Variants in LITAF observed in about 807,000 individuals in gnomAD.
LITAF encodes lipopolysaccharide induced TNF factor.
In LITAF, 9 loss-of-function variants were observed where a neutral mutation model predicts 14.5. That is an observed-to-expected ratio of 0.62 (90% CI 0.37 to 1.08). The LOEUF (loss-of-function observed/expected upper bound fraction) is 1.08, where lower values mean the gene tolerates loss of function less well. Ranked by LOEUF, LITAF falls within the 50% of genes least tolerant of loss-of-function variation. The pLI, the probability that LITAF is intolerant of heterozygous loss-of-function variation, is 0.01. For missense variants in LITAF, 206 were observed against 213.4 expected (o/e 0.97, Z 0.22); for synonymous variants, 98 against 88.2 (o/e 1.11, Z -0.62).
chr16:11,603,602 AG>A (rs2064939657), intron 3 of LITAF, among the ~76,000 whole-genome samples: 1 of 152,232 alleles, frequency 6.6e-6, no homozygotes, highest in African/African-American at 2.4e-5. Flanking sequence ...AAGGTTTCCT[AG>A]CAGACAGAGC....
chr16:11,557,437 T>A (rs1275249328), intron 1 of LITAF, among the ~76,000 whole-genome samples: 1 of 152,012 alleles, frequency 6.6e-6, no homozygotes, highest in Non-Finnish European at 1.5e-5. Flanking sequence ...TTTGTATGTG[T>A]GTTATAGTTT....
chr16:11,634,837 C>A lies in LITAF; in HGVS notation c.-21+988G>T, dbSNP rs2065131767. On this transcript the variant is annotated intron_variant, in intron 2 of 3. Coordinates refer to the LITAF transcript ENST00000574848. This position sits in a 1 kb window ranked among gnomAD's most constrained non-coding sequence, Gnocchi z 4.1. The stretch of plus-strand genomic sequence containing the variant: ...TCACTTGAGGTGAGGAGTTCAGGAC[C>A]AGCCTGGCTAACCTGGTGAAACCCC... Among the ~76,000 whole-genome samples the A allele has an allele frequency of 1.3e-5, 2 of 152,224 alleles. No individual in the cohort carries two copies. Among genetic ancestry groups the A allele is most frequent in the South Asian group, 4.1e-4 (2 of 4,828 alleles).
intron 1 of LITAF, among the ~76,000 whole-genome samples, chr16:11,566,984 T>A (rs2064460752): frequency 6.6e-6 from 1 of 152,184 alleles, no homozygotes; most frequent in Admixed American, 6.5e-5. Flanking sequence ...TGCCAGCACA[T>A]CACCAAATAT....
chr16:11,635,936 G>T (rs1199220027), exon 2 of LITAF: 1 of 152,322 alleles, frequency 6.6e-6, no homozygotes, highest in African/African-American at 2.4e-5. Context: ...GTATTTACAG[G>T]AGATGTGGCT....
upstream of LITAF, among the ~76,000 whole-genome samples, chr16:11,589,446 GC>G (rs1207645300): frequency 1.3e-5 from 2 of 152,040 alleles, no homozygotes; most frequent in African/African-American, 2.4e-5. Flanking sequence ...TTGCCATTAG[GC>G]AAGAAAAATA....
chr16:11,603,513 C>T (rs949506839), intron 3 of LITAF, among the ~76,000 whole-genome samples: 7 of 152,336 alleles, frequency 4.6e-5, no homozygotes, highest in Admixed American at 2.6e-4. Context: ...TGTCGGTCTT[C>T]ATTTTCCAAA....
Position 11,607,779 on chromosome 16 carries a change from G to A in LITAF, c.85+25754C>T, listed in dbSNP as rs114895212. ...CAACCTTGGCACTATTAGTATTTGGGGCCAGGTCATTCATTGTTATGGGCG... is the reference window on the plus strand; with the variant it reads ...CAACCTTGGCACTATTAGTATTTGGAGCCAGGTCATTCATTGTTATGGGCG... On this transcript the variant is annotated intron_variant, in intron 3 of 3. Coordinates refer to the LITAF transcript ENST00000574848. Among the ~76,000 whole-genome samples the A allele has an allele frequency of 3.7e-3, 561 of 152,194 alleles. 2 individuals are homozygous for A. Among genetic ancestry groups the A allele is most frequent in the African/African-American group, 0.013 (537 of 41,512 alleles).
At position 11,548,005 on chromosome 16, in the gene LITAF, G is replaced by C. The variant is rs74808365; in HGVS notation, c.*1632C>G. The C allele has an allele frequency of 2.0e-4, 93 of 454,068 alleles. No homozygotes were observed. The East Asian group carries it at 6.3e-3, about 31-fold the overall frequency. The allele number at this position is 454,068 out of a possible 1,614,324, so 28.1% of individuals were successfully genotyped here. A position where few individuals can be genotyped will look rare whatever the true frequency, so the allele number is the denominator to read the frequency against. On this transcript the variant is annotated 3_prime_UTR_variant, in exon 4 of 4. Coordinates refer to ENST00000622633, the MANE Select transcript of LITAF (RefSeq NM_001136472.2). ...AAAGAACTCATAAATAGTTCACCGGGTGAACCAAAGACTTTATTTTTCAAA... is the reference window on the plus strand; with the variant it reads ...AAAGAACTCATAAATAGTTCACCGGCTGAACCAAAGACTTTATTTTTCAAA...
At chr16:11,636,377 T>G (rs1426311675) in exon 1 of LITAF, 1 of 152,272 alleles carries the variant, frequency 6.6e-6, no homozygotes, top group Non-Finnish European at 1.5e-5. Context: ...AATGGGTTAC[T>G]GCTTCCGCAG....
chr16:11,609,509 C>A (rs186034637), intron 3 of LITAF, among the ~76,000 whole-genome samples: 11 of 152,190 alleles, frequency 7.2e-5, no homozygotes, highest in African/African-American at 2.2e-4. Flanking sequence ...CCACCGTGCC[C>A]GGCCTGAATG....
intron 1 of LITAF, among the ~76,000 whole-genome samples, chr16:11,583,076 C>T (rs771786507): frequency 2.6e-5 from 4 of 152,152 alleles, no homozygotes; most frequent in Non-Finnish European, 4.4e-5. Flanking sequence ...GGAAAGGAAG[C>T]GAGAAATTGG....
chr16:11,553,310 C>G lies in LITAF; in HGVS notation c.377+223G>C. 1 of 539,232 alleles carries G rather than the reference C, an allele frequency of 1.9e-6. No homozygotes were observed. Among genetic ancestry groups the G allele is most frequent in the Non-Finnish European group, 3.4e-6 (1 of 296,688 alleles). 33.4% of individuals were successfully genotyped at this position (539,232 alleles called of 1,614,324 possible). A position where few individuals can be genotyped will look rare whatever the true frequency, so the allele number is the denominator to read the frequency against. On this transcript the variant is annotated intron_variant, in intron 3 of 3. Coordinates refer to ENST00000622633, the MANE Select transcript of LITAF (RefSeq NM_001136472.2). The surrounding 1 kb of genome is among the most constrained non-coding windows in gnomAD (Gnocchi z 7.7). ...CCTATAATCCCAGCTACACGGGACG[C>G]TAAGGCAGGAGAATCGTTTGAACCT...
chr16:11,639,477 G>T (rs1337437574), upstream of LITAF, among the ~76,000 whole-genome samples: 2 of 152,122 alleles, frequency 1.3e-5, no homozygotes, highest in Admixed American at 1.3e-4. Context: ...ATGGATGGAT[G>T]GATGAATGGA....
intron 1 of LITAF, among the ~76,000 whole-genome samples, chr16:11,578,461 G>A (rs931540056): frequency 1.3e-5 from 2 of 152,162 alleles, no homozygotes; most frequent in African/African-American, 4.8e-5. Flanking sequence ...AACCCAGGAG[G>A]CAGAGGTTGC....
chr16:11,560,582 C>CCA lies in LITAF; in HGVS notation c.-5-3848_-5-3847insTG, dbSNP rs1555467529. On this transcript the variant is annotated intron_variant, in intron 1 of 3. Coordinates refer to ENST00000622633, the MANE Select transcript of LITAF (RefSeq NM_001136472.2). ...TGGGCCACAGAGCGAGATTCCATCTCAAAAAAAAAAAAAATGTAGCTACTA... is the reference window on the plus strand; with the variant it reads ...TGGGCCACAGAGCGAGATTCCATCTCCAAAAAAAAAAAAAAATGTAGCTACTA... 2.7e-4 allele frequency among the ~76,000 whole-genome samples: 32 copies of CCA among 118,976 alleles called. 1 individual carries two copies. Among genetic ancestry groups the CCA allele is most frequent in the Admixed American group, 3.9e-4 (5 of 12,974 alleles). The allele number at this position is 118,976 out of a possible 152,430, so 78.1% of individuals were successfully genotyped here.
intron 3 of LITAF, among the ~76,000 whole-genome samples, chr16:11,604,024 G>T (rs906532235): frequency 6.6e-6 from 1 of 151,492 alleles, no homozygotes; most frequent in Non-Finnish European, 1.5e-5. Flanking sequence ...TCCAGCCTGG[G>T]CAACAGAGCG....
Position 11,550,931 on chromosome 16 carries a change from G to C in LITAF, c.378-1186C>G, listed in dbSNP as rs551260604. On this transcript the variant is annotated intron_variant, in intron 3 of 3. Coordinates refer to ENST00000622633, the MANE Select transcript of LITAF (RefSeq NM_001136472.2). ...TGTTCCCGTAAAACTTAAAACAGGC[G>C]CCTGGCTCCAGGGTCGTTTTGCCAA... is the stretch of plus-strand genomic sequence containing the variant. Among the ~76,000 whole-genome samples the C allele has an allele frequency of 3.3e-5, 5 of 152,216 alleles. No individual in the cohort carries two copies. In the East Asian group the frequency reaches 9.7e-4, roughly 29 times the overall value.
chr16:11,552,039 A>C (rs372533060), intron 3 of LITAF, among the ~76,000 whole-genome samples: 25 of 152,160 alleles, frequency 1.6e-4, no homozygotes, highest in African/African-American at 5.8e-4. Flanking sequence ...CTTATTTAAC[A>C]CATGACCTCA....
At chr16:11,581,844 C>G (rs1597357190) in intron 1 of LITAF, among the ~76,000 whole-genome samples, 1 of 152,148 alleles carries the variant, frequency 6.6e-6, no homozygotes, top group African/African-American at 2.4e-5. Flanking sequence ...GCACTCCCCT[C>G]GAAAGGTATT....
Sources: gnomAD v4.1 joint callset for allele counts (sites outside exome capture counted in the v4.1 genomes callset) on GRCh38, gnomAD v4.1.1 for gene constraint, Gnocchi (gnomAD v3.1) non-coding constraint, MANE v1.5 for transcripts, NCBI Gene and HGNC (gene_info 2026-07-23, HGNC 2026-07-21) for gene names.